GRHL2: variants seen among roughly 807,000 people sequenced by gnomAD.
GRHL2 encodes grainyhead-like protein 2 homolog.
In GRHL2, 21 loss-of-function variants were observed where a neutral mutation model predicts 83.8. That is an observed-to-expected ratio of 0.25 (90% CI 0.18 to 0.36). The LOEUF (loss-of-function observed/expected upper bound fraction) is 0.36. Among genes scored for constraint, GRHL2 ranks in the 10% least tolerant of loss-of-function variants. The pLI is 1.00. For missense variants in GRHL2, 623 were observed against 781.8 expected, an observed-to-expected ratio of 0.80 and a Z score of 2.42; for synonymous variants, 280 against 278.9, an observed-to-expected ratio of 1.00 and a Z score of -0.04.
chr8:101,659,859 T>G (rs1813880582), intron 14 of GRHL2, among the ~76,000 whole-genome samples: 1 of 152,204 alleles, frequency 6.6e-6, no homozygotes, highest in African/African-American at 2.4e-5. Flanking sequence ...CAAGGAAACT[T>G]TCTAGTGTTC....
chr8:101,548,814 C>T (rs945825822), intron 2 of GRHL2, among the ~76,000 whole-genome samples: 2 of 152,188 alleles, frequency 1.3e-5, no homozygotes, highest in Admixed American at 6.5e-5. Flanking sequence ...CACCTTAAAC[C>T]GAGCACAGCT....
chr8:101,616,862 A>C (rs1228458406), intron 8 of GRHL2, among the ~76,000 whole-genome samples: 2 of 152,238 alleles, frequency 1.3e-5, no homozygotes, highest in African/African-American at 2.4e-5. Context: ...GAATGAATGA[A>C]TACATGAATT....
intron 7 of GRHL2, among the ~76,000 whole-genome samples, chr8:101,593,823 T>TG (rs890053598): frequency 1.5e-4 from 23 of 151,674 alleles, no homozygotes; most frequent in Non-Finnish European, 3.2e-4. Flanking sequence ...CCCAGCACTT[T>TG]GGGAGACCGA....
chr8:101,507,900 C>T (rs1476833097), intron 1 of GRHL2, among the ~76,000 whole-genome samples: 1 of 133,326 alleles, frequency 7.5e-6, no homozygotes, highest in Non-Finnish European at 1.5e-5. Flanking sequence ...GCCTTAGCCT[C>T]TTGAATCTCT....
At chr8:101,578,459 C>A (rs1467127769) in intron 7 of GRHL2, among the ~76,000 whole-genome samples, 1 of 152,180 alleles carries the variant, frequency 6.6e-6, no homozygotes, top group African/African-American at 2.4e-5. Flanking sequence ...GGCACATTAC[C>A]GTGGAAAGTG....
At chr8:101,495,862 A>G (rs1810090862) in intron 1 of GRHL2, among the ~76,000 whole-genome samples, 1 of 152,154 alleles carries the variant, frequency 6.6e-6, no homozygotes, top group African/African-American at 2.4e-5. Flanking sequence ...AAAATACAAT[A>G]CAGGGGCCAG....
intron 3 of GRHL2, among the ~76,000 whole-genome samples, chr8:101,557,446 A>G (rs1811511991): frequency 6.6e-6 from 1 of 151,768 alleles, no homozygotes; most frequent in South Asian, 2.1e-4. Flanking sequence ...CTGGTCTGGA[A>G]CTCCTGACCA....
chr8:101,547,832 G>T (rs1185920112), intron 2 of GRHL2, among the ~76,000 whole-genome samples: 1 of 152,130 alleles, frequency 6.6e-6, no homozygotes, highest in East Asian at 1.9e-4. Context: ...TCATAATTTA[G>T]AGACTAAAAT....
At chr8:101,520,114 G>A (rs955722947) in intron 1 of GRHL2, among the ~76,000 whole-genome samples, 1 of 152,112 alleles carries the variant, frequency 6.6e-6, no homozygotes, top group African/African-American at 2.4e-5. Flanking sequence ...AACATATTTT[G>A]TATGGATTTT....
At chr8:101,629,765 A>C (rs1400394579) in intron 9 of GRHL2, among the ~76,000 whole-genome samples, 1 of 152,146 alleles carries the variant, frequency 6.6e-6, no homozygotes, top group Non-Finnish European at 1.5e-5. Context: ...TAGTATTTTG[A>C]AGAACCCCTT....
chr8:101,560,459 T>G (rs1050851676), intron 4 of GRHL2, among the ~76,000 whole-genome samples: 2 of 152,252 alleles, frequency 1.3e-5, no homozygotes, highest in Admixed American at 1.3e-4. Context: ...TGAAAAATGC[T>G]GCTGTGGACA....
chr8:101,555,262 A>G (rs1811467726), intron 3 of GRHL2, among the ~76,000 whole-genome samples: 1 of 152,206 alleles, frequency 6.6e-6, no homozygotes, highest in Admixed American at 6.5e-5. Context: ...AGACCAATTT[A>G]TGTACTCCTA....
intron 14 of GRHL2, among the ~76,000 whole-genome samples, chr8:101,662,755 T>C (rs554853401): frequency 6.6e-6 from 1 of 152,156 alleles, no homozygotes; most frequent in African/African-American, 2.4e-5. Flanking sequence ...TAGAACAGAA[T>C]TTTTCAAAAT....
chr8:101,533,804 T>A (rs1162906315), intron 1 of GRHL2, among the ~76,000 whole-genome samples: 1 of 152,022 alleles, frequency 6.6e-6, no homozygotes, highest in Admixed American at 6.6e-5. Flanking sequence ...TCTGGGAAGA[T>A]GAAACAGCTG....
chr8:101,562,170 A>G (rs1324921616), intron 4 of GRHL2: 1 of 623,120 alleles, frequency 1.6e-6, no homozygotes, highest in Non-Finnish European at 3.0e-6. Flanking sequence ...GTTCATTATA[A>G]ATTTAGCTTG....
intron 9 of GRHL2, among the ~76,000 whole-genome samples, chr8:101,629,839 T>C (rs1472518598): frequency 6.6e-6 from 1 of 152,094 alleles, no homozygotes; most frequent in African/African-American, 2.4e-5. Flanking sequence ...TTTTTGAAAA[T>C]ATGTTTTCTA....
intron 6 of GRHL2, among the ~76,000 whole-genome samples, chr8:101,577,038 T>A (rs184704252): frequency 6.6e-6 from 1 of 152,020 alleles, no homozygotes; most frequent in East Asian, 1.9e-4. Context: ...GTTTAAGGAG[T>A]AGAAATTTCA....
At chr8:101,603,335 T>TA (rs1360771031) in intron 8 of GRHL2, among the ~76,000 whole-genome samples, 3 of 152,142 alleles carry the variant, frequency 2.0e-5, no homozygotes, top group African/African-American at 7.2e-5. Context: ...TGCATTTATT[T>TA]AAAAAACAAA....
chr8:101,636,930 T>C lies in GRHL2; in HGVS notation c.1517+2T>C. 6.2e-7 allele frequency: 1 copy of C among 1,613,248 alleles called. No homozygotes were observed. The highest frequency in any genetic ancestry group is 8.5e-7 in the Non-Finnish European group (1 of 1,179,230). On this transcript the variant is annotated splice_donor_variant, in intron 12 of 15. Coordinates refer to ENST00000646743, the MANE Select transcript of GRHL2 (RefSeq NM_024915.4). LOFTEE classifies it high-confidence loss of function. The stretch of plus-strand genomic sequence containing the variant: ...CAACACGGATGATGAACGAGAAGGG[T>C]AAGACACTCAGTTCTTTCATTTCAA...
Sources: allele counts gnomAD v4.1 joint callset (sites outside exome capture counted in the v4.1 genomes callset), GRCh38; gene constraint gnomAD v4.1.1; transcripts MANE v1.5; gene names NCBI Gene and HGNC (gene_info 2026-07-23, HGNC 2026-07-21).